Variants in MTHFD1 observed in about 807,000 individuals in gnomAD.
MTHFD1 encodes the protein C-1-tetrahydrofolate synthase, cytoplasmic.
MTHFD1 carries 44 observed loss-of-function variants against 110.3 expected under a neutral mutation model. That is an observed-to-expected ratio of 0.40 (90% CI 0.31 to 0.51). The LOEUF (loss-of-function observed/expected upper bound fraction) is 0.51. Among genes scored for constraint, MTHFD1 ranks in the 20% least tolerant of loss-of-function variants. The pLI is 0.60. For synonymous variants in MTHFD1, 402 were observed against 428.8 expected (o/e 0.94, Z 0.77); for missense variants, 909 against 1,173.1 (o/e 0.77, Z 3.29).
At chr14:64,389,952 T>G (rs1165385657) in intron 1 of MTHFD1, among the ~76,000 whole-genome samples, 2 of 152,232 alleles carry the variant, frequency 1.3e-5, no homozygotes, top group Admixed American at 1.3e-4. Context: ...TCTGGGCCAG[T>G]ACTGAGAATA....
chr14:64,393,027 C>G (rs1005673771), intron 1 of MTHFD1, among the ~76,000 whole-genome samples: 2 of 152,210 alleles, frequency 1.3e-5, no homozygotes, highest in Non-Finnish European at 1.5e-5. Context: ...GGCAGGTCTT[C>G]TTGGTTACTA....
In MTHFD1 at chr14:64,392,560, C is replaced by T. The variant is rs193288531; in HGVS notation, c.41+4092C>T. On this transcript the variant is annotated intron_variant, in intron 1 of 27. Transcript: ENST00000652337. ...AGGCAGATGGTTTGAGTAGGTGCTG[C>T]GAGTGTTTGCTGGCCAAGTGCAGGG... 1.4e-3 allele frequency among the ~76,000 whole-genome samples: 213 copies of T among 152,200 alleles called. No homozygotes were observed. The Middle Eastern group carries it at 0.02, about 15-fold the overall frequency.
At chr14:64,420,615 C>T (rs1397989170) in intron 8 of MTHFD1, among the ~76,000 whole-genome samples, 1 of 152,164 alleles carries the variant, frequency 6.6e-6, no homozygotes, top group African/African-American at 2.4e-5. Context: ...AGCTGATGGG[C>T]TGTGATAACT....
In MTHFD1 at chr14:64,419,901, G is replaced by A. The variant is rs202026193; in HGVS notation, c.703G>A (p.Asp235Asn). ...GATCAAACCTGGGGCAATAGTCATC[G>A]ACTGTGGAATCAATTATGTCCCAGG... ...EWIKPGAIVI[D>N]CGINYVPDDK... is the part of the protein sequence containing the mutation. Residue 235 changes from aspartate (D) to asparagine (N), a missense_variant, in exon 8 of 28, where the codon GAC becomes AAC. Around this residue, in one of 3 missense-constraint regions of MTHFD1, gnomAD observed 424 missense variants for 510.4 expected, o/e 0.83. Coordinates refer to ENST00000652337, the MANE Select transcript of MTHFD1 (RefSeq NM_005956.4). 5 of 1,613,820 alleles carry A rather than the reference G, an allele frequency of 3.1e-6. No individual in the cohort carries two copies. The highest frequency in any genetic ancestry group is 4.2e-6 in the Non-Finnish European group (5 of 1,179,728).
At chr14:64,448,627 G>A (rs1279698428) in intron 23 of MTHFD1, 1 of 370,894 alleles carries the variant, frequency 2.7e-6, no homozygotes, top group Non-Finnish European at 5.1e-6. Flanking sequence ...AAGGTCATAG[G>A]CCTATAGTGT....
intron 17 of MTHFD1, 65 bp from the exon 18 acceptor site, chr14:64,440,060 CT>C (rs1360619692): frequency 6.7e-7 from 1 of 1,497,754 alleles, no homozygotes; most frequent in Non-Finnish European, 9.2e-7. Context: ...AAGAGGATCA[CT>C]TTTGCAATTC....
At chr14:64,453,918 C>T in intron 25 of MTHFD1, 57 bp downstream of exon 25, 2 of 1,112,648 alleles carry the variant, frequency 1.8e-6, no homozygotes, top group Non-Finnish European at 2.7e-6. Context: ...CTTGGAGTCA[C>T]AATCTCTGGG....
chr14:64,394,892 C>G (rs1330203385), intron 1 of MTHFD1, among the ~76,000 whole-genome samples: 1 of 152,142 alleles, frequency 6.6e-6, no homozygotes, highest in Non-Finnish European at 1.5e-5. Flanking sequence ...GAACCCTTAC[C>G]TTCCCCATTC....
At chr14:64,413,066 T>C (rs1199749831) in intron 4 of MTHFD1, among the ~76,000 whole-genome samples, 1 of 151,880 alleles carries the variant, frequency 6.6e-6, no homozygotes, top group Non-Finnish European at 1.5e-5. Flanking sequence ...AAACTGATCC[T>C]TGGAGCCAGG....
intron 17 of MTHFD1, among the ~76,000 whole-genome samples, chr14:64,439,894 CAAAAAAA>C (rs760527922): frequency 1.8e-5 from 1 of 56,586 alleles, no homozygotes; most frequent in African/African-American, 6.2e-5. Context: ...ACTCTGTCTC[CAAAAAAA>C]AAAAAAAAAA....
intron 2 of MTHFD1, among the ~76,000 whole-genome samples, chr14:64,402,245 GA>G (rs1263260893): frequency 6.6e-6 from 1 of 152,104 alleles, no homozygotes; most frequent in African/African-American, 2.4e-5. Flanking sequence ...TCCTCATTTG[GA>G]AAATAATAGT....
At chr14:64,444,271 A>C (rs2078272108) in intron 21 of MTHFD1, among the ~76,000 whole-genome samples, 1 of 152,136 alleles carries the variant, frequency 6.6e-6, no homozygotes, top group African/African-American at 2.4e-5. Context: ...GGACCAGTTC[A>C]TGAAACCATG....
At chr14:64,405,331 A>G (rs1292423848) in intron 2 of MTHFD1, among the ~76,000 whole-genome samples, 3 of 152,154 alleles carry the variant, frequency 2.0e-5, no homozygotes, top group Non-Finnish European at 4.4e-5. Flanking sequence ...ATTGATTACA[A>G]ATGTTTTTAT....
chr14:64,448,794 C>A, intron 23 of MTHFD1, among the ~76,000 whole-genome samples: 1 of 135,662 alleles, frequency 7.4e-6, no homozygotes, highest in Admixed American at 7.4e-5. Context: ...GAATGGGAAG[C>A]AAAAAATCTT....
At chr14:64,448,379 G>T in intron 23 of MTHFD1, 62 bp downstream of exon 23, 1 of 1,260,118 alleles carries the variant, frequency 7.9e-7, no homozygotes, top group Admixed American at 1.7e-5. Context: ...TGATTGTACA[G>T]CACTGCTTTT....
At chr14:64,444,656 T>C (rs557350669) in intron 21 of MTHFD1, 37 bp from the exon 22 acceptor site, 4 of 1,613,442 alleles carry the variant, frequency 2.5e-6, no homozygotes, top group African/African-American at 2.7e-5. Context: ...GAGATTTAAA[T>C]AGGAAATGCC....
intron 16 of MTHFD1, among the ~76,000 whole-genome samples, chr14:64,438,183 G>A (rs1235584435): frequency 6.6e-6 from 1 of 152,168 alleles, no homozygotes; most frequent in African/African-American, 2.4e-5. Flanking sequence ...CTGTTCAAGA[G>A]TTTTATACAC....
intron 16 of MTHFD1, among the ~76,000 whole-genome samples, chr14:64,438,692 G>C: frequency 6.6e-6 from 1 of 152,156 alleles, no homozygotes; most frequent in East Asian, 1.9e-4. Flanking sequence ...GCCCTGATTT[G>C]ATGGCTCCTG....
chr14:64,405,645 T>G (rs2077930467), intron 2 of MTHFD1, among the ~76,000 whole-genome samples: 1 of 152,206 alleles, frequency 6.6e-6, no homozygotes. Flanking sequence ...TCATCAACTC[T>G]TGGAATCTGT....
Sources: allele counts gnomAD v4.1 joint callset (sites outside exome capture counted in the v4.1 genomes callset), GRCh38; gene constraint gnomAD v4.1.1; regional missense constraint gnomAD v4.1.1; transcripts MANE v1.5; gene names NCBI Gene and HGNC (gene_info 2026-07-23, HGNC 2026-07-21).